Variants in NFE2L3 observed in about 807,000 individuals in gnomAD.
NFE2L3 encodes the protein NFE2 like bZIP transcription factor 3, also known as nuclear factor erythroid 2-related factor 3.
Under a neutral mutation model 23.5 loss-of-function variants are expected in NFE2L3, and 18 were observed. That is an observed-to-expected ratio of 0.77 (90% CI 0.53 to 1.13). The LOEUF (loss-of-function observed/expected upper bound fraction) is 1.13, where lower values mean the gene tolerates loss of function less well. Ranked by LOEUF, NFE2L3 falls within the 50% of genes most tolerant of loss-of-function variation. The pLI is 0.00. For missense variants in NFE2L3, 1,152 were observed against 877.2 expected, an observed-to-expected ratio of 1.31 and a Z score of -3.96; for synonymous variants, 424 against 354.5, an observed-to-expected ratio of 1.20 and a Z score of -2.20.
chr7:26,185,393 G>A lies in NFE2L3; in HGVS notation c.1695G>A (p.Met565Ile). Residue 565 changes from methionine to isoleucine, a missense_variant, in exon 4 of 4, where the codon ATG becomes ATA. Coordinates refer to ENST00000056233, the MANE Select transcript of NFE2L3 (RefSeq NM_004289.7). ...TGCCTGTTGATTCTTTCAATAGCAT[G>A]TTAAGTAGATATTATCTGACAGACC... The part of the protein sequence containing the change: ...VGMPVDSFNS[M>I]LSRYYLTDLQ... The A allele has an allele frequency of 6.2e-7, 1 of 1,614,138 alleles. No homozygotes were observed. The highest frequency in any genetic ancestry group is 8.5e-7 in the Non-Finnish European group (1 of 1,179,998).
At chr7:26,176,771 G>GAT (rs1463080097) in intron 1 of NFE2L3, among the ~76,000 whole-genome samples, 6 of 92,638 alleles carry the variant, frequency 6.5e-5, no homozygotes, top group East Asian at 4.9e-4. Context: ...CTTCCCAGAC[G>GAT]GGGTGGCCAG....
rs78618367 is a variant in NFE2L3 at position 26,153,216 on chromosome 7, C to G, written c.570+148C>G. The G allele has an allele frequency of 1.7e-3, 1,282 of 770,798 alleles. 9 individuals carry two copies. The African/African-American group carries it at 0.022, about 13-fold the overall frequency. The allele number at this position is 770,798 out of a possible 1,614,324, so 47.7% of individuals were successfully genotyped here. On this transcript the variant is annotated intron_variant, in intron 1 of 3. Transcript: ENST00000056233. ...TTGCAGGTTCGCAGATGCTGCTGCT[C>G]TGATTCCGAATGAAGGGCTACTAGT...
rs1302269650 is a variant in NFE2L3, at chr7:26,161,355, TTTTTTTTTTG to T, written c.570+8288_570+8297del. On this transcript the variant is annotated intron_variant, in intron 1 of 3. Coordinates refer to ENST00000056233, the MANE Select transcript of NFE2L3 (RefSeq NM_004289.7). ...TCTCTCTTTTTTTTTTTTTTTTTTT[TTTTTTTTTTG>T]GGTCTTACCTTTCTTTAGAGTTTCT... 2.4e-4 allele frequency among the ~76,000 whole-genome samples: 25 copies of T among 104,914 alleles called. 1 individual carries two copies. Among genetic ancestry groups the T allele is most frequent in the African/African-American group, 9.9e-4 (22 of 22,260 alleles). The allele number at this position is 104,914 out of a possible 152,430, so 68.8% of individuals were successfully genotyped here. A position where few individuals can be genotyped will look rare whatever the true frequency, so the allele number is the denominator to read the frequency against.
intron 1 of NFE2L3, among the ~76,000 whole-genome samples, chr7:26,171,410 G>A (rs1201122104): frequency 2.0e-5 from 3 of 152,096 alleles, no homozygotes; most frequent in African/African-American, 7.2e-5. Flanking sequence ...TGGGTGTGGT[G>A]GCAGGCACCT....
rs200699467 is a variant in NFE2L3 at position 26,152,944 on chromosome 7, C to T, written c.446C>T (p.Ala149Val). The change falls in exon 1 of 4, where the codon GCT becomes GTT. Residue 149 changes from alanine to valine, a missense_variant. Physicochemically the swap from Ala to Val is moderately conservative, Grantham distance 64. Coordinates refer to ENST00000056233, the MANE Select transcript of NFE2L3 (RefSeq NM_004289.7). This position sits in a 1 kb window ranked among gnomAD's most constrained non-coding sequence, Gnocchi z 4.4. Reference protein sequence around the residue: ...AGASVDGGSQAVQGGGGDPRA... With the variant: ...AGASVDGGSQVVQGGGGDPRA... Reference sequence around the variant, plus strand: ...GCCAGCGTGGACGGCGGCAGCCAGGCTGTGCAGGGGGGCGGCGGGGACCCC... The same window carrying T: ...GCCAGCGTGGACGGCGGCAGCCAGGTTGTGCAGGGGGGCGGCGGGGACCCC... 6.1e-3 allele frequency: 8,919 copies of T among 1,450,858 alleles called. 27 individuals carry two copies. The highest frequency in any genetic ancestry group is 7.2e-3 in the Non-Finnish European group (8,034 of 1,114,138). The allele number at this position is 1,450,858 out of a possible 1,614,324, so 89.9% of individuals were successfully genotyped here.
chr7:26,169,265 G>A (rs1270870190), intron 1 of NFE2L3, among the ~76,000 whole-genome samples: 2 of 152,228 alleles, frequency 1.3e-5, no homozygotes, highest in Non-Finnish European at 2.9e-5. Flanking sequence ...ACTGCCTTTA[G>A]TGTGAAGGAG....
At chr7:26,169,189 C>G (rs1784298599) in intron 1 of NFE2L3, among the ~76,000 whole-genome samples, 1 of 152,224 alleles carries the variant, frequency 6.6e-6, no homozygotes, top group African/African-American at 2.4e-5. Context: ...TTCTCCCTCT[C>G]TCTCCCTCAA....
intron 1 of NFE2L3, among the ~76,000 whole-genome samples, chr7:26,175,791 A>AT (rs1784393091): frequency 6.6e-6 from 1 of 151,668 alleles, no homozygotes; most frequent in South Asian, 2.1e-4. Context: ...AAAAAAAAAA[A>AT]AAATAGTTTC....
Position 26,152,999 on chromosome 7 carries a change from CG to C in NFE2L3, c.505del (p.Glu169LysfsTer27). ...RAARSGPLDA[G>X]EEEKAPAEPT... The stretch of plus-strand genomic sequence containing the variant: ...CGGCTCGGAGTGGCCCCTTGGACGC[CG>C]GGGAAGAGGAGAAGGCACCCGCGGA... On this transcript the variant is annotated frameshift_variant, in exon 1 of 4. Coordinates refer to ENST00000056233, the MANE Select transcript of NFE2L3 (RefSeq NM_004289.7). LOFTEE classifies it high-confidence loss of function. The surrounding 1 kb of genome is among the most constrained non-coding windows in gnomAD (Gnocchi z 4.4). 1 of 1,519,672 alleles carries C rather than the reference CG, an allele frequency of 6.6e-7. No homozygotes were observed. Among genetic ancestry groups the C allele is most frequent in the East Asian group, 2.6e-5 (1 of 37,942 alleles). 94.1% of individuals were successfully genotyped at this position (1,519,672 alleles called of 1,614,324 possible).
intron 2 of NFE2L3, among the ~76,000 whole-genome samples, chr7:26,182,132 A>T (rs2128100140): frequency 6.6e-6 from 1 of 152,358 alleles, no homozygotes; most frequent in Middle Eastern, 3.4e-3. Context: ...TAAGTCCTAG[A>T]CATACCAGAT....
intron 1 of NFE2L3, among the ~76,000 whole-genome samples, chr7:26,156,861 C>T (rs1784089751): frequency 6.6e-6 from 1 of 152,016 alleles, no homozygotes; most frequent in Non-Finnish European, 1.5e-5. Flanking sequence ...ACCTGTAATC[C>T]CAACACTTTG....
At chr7:26,156,338 A>T (rs564160739) in intron 1 of NFE2L3, among the ~76,000 whole-genome samples, 2 of 152,334 alleles carry the variant, frequency 1.3e-5, no homozygotes, top group South Asian at 2.1e-4. Context: ...CATAATTTTT[A>T]ATTTTAAAAA....
intron 2 of NFE2L3, among the ~76,000 whole-genome samples, chr7:26,178,571 C>G (rs1447472158): frequency 2.0e-5 from 3 of 152,214 alleles, no homozygotes; most frequent in East Asian, 3.8e-4. Context: ...AGTCTCCTGG[C>G]AGGCCTGGCT....
At chr7:26,182,205 C>T (rs960442930) in intron 2 of NFE2L3, among the ~76,000 whole-genome samples, 3 of 152,078 alleles carry the variant, frequency 2.0e-5, no homozygotes, top group African/African-American at 7.2e-5. Flanking sequence ...AGAAAAGTTT[C>T]ATTATAAATA....
chr7:26,159,468 T>A (rs1459808552), intron 1 of NFE2L3, among the ~76,000 whole-genome samples: 1 of 152,208 alleles, frequency 6.6e-6, no homozygotes, highest in East Asian at 1.9e-4. Context: ...ATGTGGAGAC[T>A]GGGTCTTGGC....
At chr7:26,179,782 C>CTGATT (rs1361767300) in intron 2 of NFE2L3, among the ~76,000 whole-genome samples, 2 of 152,266 alleles carry the variant, frequency 1.3e-5, no homozygotes, top group South Asian at 4.1e-4. Flanking sequence ...GCCTGCCCTG[C>CTGATT]TGATTTCTCT....
At chr7:26,174,683 CCTTT>C (rs1784372024) in intron 1 of NFE2L3, 3 of 152,180 alleles carry the variant, frequency 2.0e-5, no homozygotes, top group African/African-American at 4.8e-5. Flanking sequence ...TGATTTTTAT[CCTTT>C]CTTCTGGCAT....
chr7:26,175,779 A>C (rs1665717868), intron 1 of NFE2L3, among the ~76,000 whole-genome samples: 1 of 115,410 alleles, frequency 8.7e-6, no homozygotes, highest in Non-Finnish European at 1.7e-5. Flanking sequence ...ACTCTGTCTC[A>C]AAAAAAAAAA....
In NFE2L3 at chr7:26,184,917, G is replaced by C. The variant is rs748359384; in HGVS notation, c.1219G>C (p.Asp407His). The C allele has an allele frequency of 3.1e-6, 5 of 1,613,746 alleles. No individual in the cohort carries two copies. Among genetic ancestry groups the C allele is most frequent in the African/African-American group, 1.3e-5 (1 of 74,896 alleles). ...LATEDNFDPI[D>H]VSQLFDEPDS... ...CACAGAAGACAACTTTGATCCAATC[G>C]ATGTTTCTCAGCTTTTTGATGAACC... The change falls in exon 4 of 4, where the codon GAT (aspartate) becomes CAT (histidine). Residue 407 changes from aspartate to histidine, a missense_variant. Physicochemically the swap from Asp to His is moderately conservative, Grantham distance 81. Transcript: ENST00000056233.
Sources: gnomAD v4.1 joint callset for allele counts (sites outside exome capture counted in the v4.1 genomes callset) on GRCh38, gnomAD v4.1.1 for gene constraint, Gnocchi (gnomAD v3.1) non-coding constraint, MANE v1.5 for transcripts, NCBI Gene and HGNC (gene_info 2026-07-23, HGNC 2026-07-21) for gene names.